LOC400499: variants seen among roughly 807,000 people sequenced by gnomAD.
chr16:11,497,258 G>A, the LOC400499 span, among the ~76,000 whole-genome samples: 1 of 152,214 alleles, frequency 6.6e-6, no homozygotes, highest in South Asian at 2.1e-4. Context: ...GTGGGTCTTG[G>A]CGTGTGCATC....
At chr16:11,477,832 A>C in the LOC400499 span, 3 of 398,892 alleles carry the variant, frequency 7.5e-6, no homozygotes, top group Non-Finnish European at 1.3e-5. Flanking sequence ...TGGGCTTGAC[A>C]TAACCATTCA....
the LOC400499 span, chr16:11,461,229 G>A: frequency 7.3e-7 from 1 of 1,371,806 alleles, no homozygotes; most frequent in Non-Finnish European, 9.6e-7. Flanking sequence ...TGGGGTTGGG[G>A]GCTCCTTGAA....
chr16:11,406,388 A>G, the LOC400499 span, among the ~76,000 whole-genome samples: 1 of 152,160 alleles, frequency 6.6e-6, no homozygotes, highest in Non-Finnish European at 1.5e-5. Context: ...TATATACCAC[A>G]GTCTCTTTAC....
chr16:11,465,683 G>C, the LOC400499 span, among the ~76,000 whole-genome samples: 1 of 152,088 alleles, frequency 6.6e-6, no homozygotes, highest in Non-Finnish European at 1.5e-5. Context: ...TGAGGCAAGA[G>C]GATCGCTTGA....
At chr16:11,403,547 C>T in the LOC400499 span, among the ~76,000 whole-genome samples, 1 of 152,218 alleles carries the variant, frequency 6.6e-6, no homozygotes, top group African/African-American at 2.4e-5. Context: ...CTGCTCACTT[C>T]CTCTGCCTTC....
the LOC400499 span, chr16:11,446,481 T>G: frequency 7.2e-7 from 1 of 1,395,916 alleles, no homozygotes. Context: ...TTCAATCCTA[T>G]TGAGCGATGA....
the LOC400499 span, among the ~76,000 whole-genome samples, chr16:11,453,833 G>A: frequency 9.2e-5 from 14 of 152,146 alleles, no homozygotes; most frequent in East Asian, 1.5e-3. Flanking sequence ...AAAGAAAAAC[G>A]AGTTTGAAAA....
At chr16:11,418,351 G>A in the LOC400499 span, among the ~76,000 whole-genome samples, 13 of 152,254 alleles carry the variant, frequency 8.5e-5, no homozygotes, top group South Asian at 2.7e-3. Flanking sequence ...TAGGAGGTCA[G>A]CACAAGATAC....
At chr16:11,409,047 G>C in the LOC400499 span, among the ~76,000 whole-genome samples, 3 of 151,904 alleles carry the variant, frequency 2.0e-5, no homozygotes, top group African/African-American at 4.8e-5. Flanking sequence ...GATCATTTGA[G>C]GTCAGGAGTT....
chr16:11,491,496 G>A, the LOC400499 span, among the ~76,000 whole-genome samples: 1 of 152,158 alleles, frequency 6.6e-6, no homozygotes, highest in Non-Finnish European at 1.5e-5. Flanking sequence ...TGGCAGAATG[G>A]GGACTGGAAT....
At chr16:11,470,344 G>C in the LOC400499 span, among the ~76,000 whole-genome samples, 1 of 152,176 alleles carries the variant, frequency 6.6e-6, no homozygotes, top group Non-Finnish European at 1.5e-5. Context: ...CCCTAGCCCA[G>C]AGGGGAACAC....
At chr16:11,412,942 T>C in the LOC400499 span, 4 of 399,166 alleles carry the variant, frequency 1.0e-5, no homozygotes, top group Non-Finnish European at 1.8e-5. Flanking sequence ...CCCAGAGTCC[T>C]TGGAACACGA....
chr16:11,431,044 A>C, the LOC400499 span: 2 of 399,080 alleles, frequency 5.0e-6, no homozygotes, highest in East Asian at 7.1e-5. Context: ...ACCCTCTTGA[A>C]GTGTCTCCTT....
At chr16:11,462,253 C>G in the LOC400499 span, 1 of 1,528,936 alleles carries the variant, frequency 6.5e-7, no homozygotes, top group Non-Finnish European at 8.8e-7. Context: ...CCAGCTGCGC[C>G]TGGAACCGCT....
chr16:11,509,011 G>A, the LOC400499 span, among the ~76,000 whole-genome samples: 6 of 152,072 alleles, frequency 3.9e-5, no homozygotes, highest in East Asian at 9.6e-4. Flanking sequence ...TCATAGCAGC[G>A]TCATTGCAAA....
the LOC400499 span, chr16:11,399,809 G>A: frequency 5.0e-6 from 2 of 398,898 alleles, no homozygotes; most frequent in East Asian, 7.1e-5. Context: ...TTCCAGGTGA[G>A]CTGCACCTGC....
At chr16:11,469,899 C>G in the LOC400499 span, among the ~76,000 whole-genome samples, 1 of 152,130 alleles carries the variant, frequency 6.6e-6, no homozygotes, top group Non-Finnish European at 1.5e-5. Context: ...TGCACAGACC[C>G]CTCCCATCCT....
the LOC400499 span, among the ~76,000 whole-genome samples, chr16:11,391,042 G>C: frequency 6.6e-6 from 1 of 152,362 alleles, no homozygotes; most frequent in Admixed American, 6.5e-5. Flanking sequence ...TCACAGCTGT[G>C]AATAGCGCTG....
the LOC400499 span, chr16:11,386,995 G>C: frequency 1.3e-6 from 1 of 772,022 alleles, no homozygotes; most frequent in East Asian, 3.4e-5. Context: ...ACCTTGGGAA[G>C]TCCAGTAAGC....
Sources: gnomAD v4.1 joint callset for allele counts (sites outside exome capture counted in the v4.1 genomes callset) on GRCh38, gnomAD v4.1.1 for gene constraint, MANE v1.5 for transcripts.